The following RBMS3 variants were observed in gnomAD, a reference collection of about 807,000 sequenced individuals.
The protein encoded by RBMS3 is RNA binding motif single stranded interacting protein 3.
In RBMS3, 27 loss-of-function variants were observed where a neutral mutation model predicts 66.8. The ratio of observed to expected loss-of-function variants is 0.40; its 90% CI spans 0.30 to 0.56. The LOEUF is 0.56. Ranked by LOEUF, RBMS3 falls within the 20% of genes least tolerant of loss-of-function variation. RBMS3 has a pLI of 0.40. For synonymous variants in RBMS3, 188 were observed against 183.0 expected, an observed-to-expected ratio of 1.03 and a Z score of -0.22; for missense variants, 513 against 549.5, an observed-to-expected ratio of 0.93 and a Z score of 0.66.
At chr3:29,580,817 C>T (rs1025714370) in intron 3 of RBMS3, among the ~76,000 whole-genome samples, 3 of 151,994 alleles carry the variant, frequency 2.0e-5, no homozygotes, top group Non-Finnish European at 2.9e-5. Flanking sequence ...TTTCAGAATG[C>T]TTAGGCAATT....
At chr3:29,504,608 C>T (rs1316611042) in intron 3 of RBMS3, among the ~76,000 whole-genome samples, 2 of 151,908 alleles carry the variant, frequency 1.3e-5, no homozygotes, top group Non-Finnish European at 2.9e-5. Flanking sequence ...GATGTGTACC[C>T]AGTAGTGGGA....
chr3:29,814,360 A>T (rs1029011374), intron 6 of RBMS3, among the ~76,000 whole-genome samples: 1 of 152,084 alleles, frequency 6.6e-6, no homozygotes, highest in African/African-American at 2.4e-5. Flanking sequence ...AAGCCTTTTG[A>T]TGTGCTGCTG....
intron 4 of RBMS3, among the ~76,000 whole-genome samples, chr3:29,668,266 AC>A (rs1051442443): frequency 6.6e-6 from 1 of 152,204 alleles, no homozygotes; most frequent in African/African-American, 2.4e-5. Context: ...AGGTTGGCCA[AC>A]CAAAACTGAG....
intron 5 of RBMS3, among the ~76,000 whole-genome samples, chr3:29,748,120 A>G (rs1379888585): frequency 6.6e-6 from 1 of 152,194 alleles, no homozygotes; most frequent in African/African-American, 2.4e-5. Flanking sequence ...TTCAGAGGGA[A>G]CATTGAAACT....
chr3:29,966,351 G>A (rs1696847647), intron 12 of RBMS3, among the ~76,000 whole-genome samples: 1 of 152,118 alleles, frequency 6.6e-6, no homozygotes, highest in Admixed American at 6.6e-5. Context: ...ATGAGCATGG[G>A]ATGTGTTTCC....
chr3:29,520,044 T>A (rs980679998), intron 3 of RBMS3, among the ~76,000 whole-genome samples: 35 of 152,330 alleles, frequency 2.3e-4, no homozygotes, highest in African/African-American at 8.4e-4. Flanking sequence ...AATTCAAATG[T>A]AACTGGCCAT....
chr3:29,961,007 T>A (rs1303063041), intron 12 of RBMS3, among the ~76,000 whole-genome samples: 5 of 152,188 alleles, frequency 3.3e-5, no homozygotes, highest in Non-Finnish European at 7.3e-5. Context: ...CTTATGCAAT[T>A]TTCTGCAGCC....
chr3:29,997,112 A>C (rs991311270), intron 14 of RBMS3, among the ~76,000 whole-genome samples: 1 of 151,794 alleles, frequency 6.6e-6, no homozygotes, highest in Admixed American at 6.6e-5. Flanking sequence ...CAGAAATACA[A>C]ACTACCATCA....
At chr3:29,473,272 A>G (rs1457858285) in intron 2 of RBMS3, among the ~76,000 whole-genome samples, 1 of 151,774 alleles carries the variant, frequency 6.6e-6, no homozygotes, top group Non-Finnish European at 1.5e-5. Flanking sequence ...CTTGAGCTAG[A>G]GACAGAGTGC....
intron 4 of RBMS3, among the ~76,000 whole-genome samples, chr3:29,724,085 G>C (rs938248694): frequency 6.6e-6 from 1 of 151,768 alleles, no homozygotes; most frequent in African/African-American, 2.4e-5. Flanking sequence ...CAAATGATAG[G>C]AACAGTGTTA....
At chr3:29,848,036 C>A (rs1285534050) in intron 6 of RBMS3, among the ~76,000 whole-genome samples, 1 of 152,146 alleles carries the variant, frequency 6.6e-6, no homozygotes, top group African/African-American at 2.4e-5. Context: ...ATTCTCAATA[C>A]AAAATAGAGC....
Position 29,897,483 on chromosome 3 carries a change from C to T in RBMS3, c.888+8C>T. ...CCTGTCTCCACATACCAGGTATGTC[C>T]AATTTACCTGCACCTTAGGAGATAT... is the stretch of plus-strand genomic sequence containing the variant. On this transcript the variant is annotated splice_region_variant and intron_variant, in intron 9 of 14. Transcript: ENST00000383767. 1 of 1,598,802 alleles carries T rather than the reference C, an allele frequency of 6.3e-7. No individual in the cohort carries two copies. Among genetic ancestry groups the T allele is most frequent in the Non-Finnish European group, 8.6e-7 (1 of 1,166,896 alleles).
intron 12 of RBMS3, among the ~76,000 whole-genome samples, chr3:29,957,112 C>A (rs545960353): frequency 6.6e-6 from 1 of 152,160 alleles, no homozygotes; most frequent in East Asian, 1.9e-4. Flanking sequence ...GGAAGGTTGC[C>A]TTATCCTTTT....
intron 2 of RBMS3, among the ~76,000 whole-genome samples, chr3:29,470,147 A>C (rs902251849): frequency 6.6e-6 from 1 of 151,514 alleles, no homozygotes; most frequent in African/African-American, 2.4e-5. Context: ...AAATAAACTA[A>C]AATTTAAAGA....
At chr3:29,424,168 A>C (rs1184484483) in intron 1 of RBMS3, among the ~76,000 whole-genome samples, 1 of 152,244 alleles carries the variant, frequency 6.6e-6, no homozygotes, top group Non-Finnish European at 1.5e-5. Flanking sequence ...TAAAGTAATA[A>C]AAGGAAAATG....
intron 2 of RBMS3, among the ~76,000 whole-genome samples, chr3:29,460,078 A>G (rs1307772154): frequency 6.6e-6 from 1 of 152,224 alleles, no homozygotes; most frequent in Non-Finnish European, 1.5e-5. Flanking sequence ...CACAGAACAA[A>G]GTTAATTCTT....
chr3:29,833,238 G>A, intron 6 of RBMS3, among the ~76,000 whole-genome samples: 1 of 152,164 alleles, frequency 6.6e-6, no homozygotes, highest in Non-Finnish European at 1.5e-5. Context: ...ATACAGTAAT[G>A]TAAGACTTCA....
intron 6 of RBMS3, among the ~76,000 whole-genome samples, chr3:29,866,782 A>G (rs979549102): frequency 6.6e-6 from 1 of 152,208 alleles, no homozygotes; most frequent in Non-Finnish European, 1.5e-5. Flanking sequence ...GGCAGTGACT[A>G]TCTACAGATA....
rs189564672 is a variant in RBMS3 at position 29,360,287 on chromosome 3, C to G, written c.76-74456C>G. 3.7e-3 allele frequency among the ~76,000 whole-genome samples: 563 copies of G among 152,032 alleles called. 3 individuals carry two copies. The highest frequency in any genetic ancestry group is 5.3e-3 in the Non-Finnish European group (358 of 68,008). The stretch of plus-strand genomic sequence containing the variant: ...GTTTCAAAGAATATCTTTATTTCTG[C>G]CTTCATTTCGTTATGTACCCAGTAG... On this transcript the variant is annotated intron_variant, in intron 1 of 14. Transcript: ENST00000383767.
Sources: allele counts gnomAD v4.1 joint callset (sites outside exome capture counted in the v4.1 genomes callset), GRCh38; gene constraint gnomAD v4.1.1; transcripts MANE v1.5; gene names NCBI Gene and HGNC (gene_info 2026-07-23, HGNC 2026-07-21).